ARHGAP18: variants seen among roughly 807,000 people sequenced by gnomAD.
The protein encoded by ARHGAP18 is rho GTPase-activating protein 18.
A neutral mutation model predicts 86.2 loss-of-function variants in ARHGAP18; 67 were observed. The ratio of observed to expected loss-of-function variants is 0.78; its 90% confidence interval spans 0.64 to 0.95. The LOEUF is 0.95. Among genes scored for constraint, ARHGAP18 ranks in the 40% least tolerant of loss-of-function variants. The probability of loss-of-function intolerance (pLI) is 0.00; values close to 1 mark genes in which losing one functional copy is unlikely to be tolerated. For synonymous variants in ARHGAP18, 283 were observed against 280.4 expected, an observed-to-expected ratio of 1.01 and a Z score of -0.09; for missense variants, 691 against 780.4, an observed-to-expected ratio of 0.89 and a Z score of 1.37.
chr6:129,690,262 A>G (rs1774503516), intron 1 of ARHGAP18, among the ~76,000 whole-genome samples: 1 of 152,200 alleles, frequency 6.6e-6, no homozygotes, highest in Non-Finnish European at 1.5e-5. Flanking sequence ...AACCGTTCAC[A>G]AAAATGAATA....
intron 10 of ARHGAP18, among the ~76,000 whole-genome samples, chr6:129,602,175 T>G (rs1295729489): frequency 1.3e-5 from 2 of 152,212 alleles, no homozygotes. Context: ...GTATTCAATG[T>G]TCTCTATGAA....
chr6:129,688,803 A>AT lies in ARHGAP18; in HGVS notation c.113+21220_113+21221insA, dbSNP rs201450111. Among the ~76,000 whole-genome samples, 356 of 151,942 alleles carry AT rather than the reference A, an allele frequency of 2.3e-3. 3 individuals are homozygous for AT. In the Middle Eastern group the frequency reaches 0.031, roughly 13 times the overall value. ...ATGAAACTCCAAGTCAAAAAAAAAA[A>AT]ATATGCCTTATCATTGGTAGCTACT... On this transcript the variant is annotated intron_variant, in intron 1 of 14. Transcript: ENST00000368149.
At chr6:129,665,661 G>T (rs74818297) in intron 1 of ARHGAP18, among the ~76,000 whole-genome samples, 5,618 of 152,212 alleles carry the variant, frequency 0.037, 323 homozygotes, top group African/African-American at 0.12. Context: ...ATACAAACAG[G>T]TAGTTAATAA....
intron 1 of ARHGAP18, among the ~76,000 whole-genome samples, chr6:129,700,473 G>A (rs2051630): frequency 0.34 from 52,019 of 152,092 alleles, 9,907 homozygotes; most frequent in East Asian, 0.51. Flanking sequence ...ATGTAGTATT[G>A]AAATAATGTG....
rs188619683 is a variant in ARHGAP18 at position 129,617,932 on chromosome 6, T to G, written c.952+755A>C. Among the ~76,000 whole-genome samples, 699 of 152,292 alleles carry G rather than the reference T, an allele frequency of 4.6e-3. 4 individuals are homozygous for G. The highest frequency in any genetic ancestry group is 7.1e-3 in the Non-Finnish European group (486 of 68,020). On this transcript the variant is annotated intron_variant, in intron 6 of 14. Transcript: ENST00000368149. Reference sequence around the variant, plus strand: ...TCTTGGTTTCTCTTTAGGAGATACTTCTAAGGTTAAACAAGAGGACAAAGA... The same window carrying G: ...TCTTGGTTTCTCTTTAGGAGATACTGCTAAGGTTAAACAAGAGGACAAAGA...
Position 129,641,858 on chromosome 6 carries a change from T to C in ARHGAP18, c.274A>G (p.Ser92Gly). Residue 92 changes from serine (S) to glycine (G), a missense_variant, in exon 2 of 15, where the codon AGC (serine) becomes GGC (glycine). Physicochemically the swap from Ser to Gly is moderately conservative, Grantham distance 56. Coordinates refer to ENST00000368149, the MANE Select transcript of ARHGAP18 (RefSeq NM_033515.3). ...ACAACCACCTCTTGATCTTCTTGGC[T>C]GTTTTCACTAGATTTCTTGATGTTT... ...LENIKKSSENSQEDQEVVVVK... is the reference protein window; with the variant it reads ...LENIKKSSENGQEDQEVVVVK... The C allele has an allele frequency of 1.9e-6, 3 of 1,614,000 alleles. No individual in the cohort carries two copies. The highest frequency in any genetic ancestry group is 2.5e-6 in the Non-Finnish European group (3 of 1,179,924).
chr6:129,661,275 C>T (rs1217252767), intron 1 of ARHGAP18, among the ~76,000 whole-genome samples: 1 of 141,758 alleles, frequency 7.1e-6, no homozygotes, highest in Non-Finnish European at 1.5e-5. Flanking sequence ...ATTGCATGAG[C>T]CTAGGAGTTC....
chr6:129,680,693 C>T (rs1300425451), intron 1 of ARHGAP18, among the ~76,000 whole-genome samples: 2 of 152,208 alleles, frequency 1.3e-5, no homozygotes, highest in African/African-American at 4.8e-5. Flanking sequence ...TACCCTGGAG[C>T]CAGATCGTTT....
Position 129,666,037 on chromosome 6 carries a change from G to GA in ARHGAP18, c.114-24020dup, listed in dbSNP as rs1032081354. On this transcript the variant is annotated intron_variant, in intron 1 of 14. Transcript: ENST00000368149. ...TACATTAAAAATATAAATTAAAATA[G>GA]AAAAAAATTAACTCTGATGAAACCA... Among the ~76,000 whole-genome samples, 8 of 151,900 alleles carry GA rather than the reference G, an allele frequency of 5.3e-5. No homozygotes were observed. The East Asian group carries it at 1.2e-3, about 22-fold the overall frequency.
chr6:129,702,132 C>G (rs1314379623), intron 1 of ARHGAP18, among the ~76,000 whole-genome samples: 6 of 152,236 alleles, frequency 3.9e-5, no homozygotes, highest in Non-Finnish European at 8.8e-5. Flanking sequence ...GTTTCATACT[C>G]TCTTTCAACA....
At chr6:129,591,767 T>G (rs1441148016) in intron 12 of ARHGAP18, among the ~76,000 whole-genome samples, 1 of 152,168 alleles carries the variant, frequency 6.6e-6, no homozygotes, top group Non-Finnish European at 1.5e-5. Context: ...AAACCCTTTT[T>G]ATCTTCAAAA....
chr6:129,651,468 G>A (rs1428469198), intron 1 of ARHGAP18, among the ~76,000 whole-genome samples: 1 of 151,916 alleles, frequency 6.6e-6, no homozygotes, highest in Non-Finnish European at 1.5e-5. Context: ...TTACTCTCTG[G>A]TTGGGTGCCT....
chr6:129,581,306 G>A (rs907324696), intron 13 of ARHGAP18, among the ~76,000 whole-genome samples: 3 of 152,150 alleles, frequency 2.0e-5, no homozygotes, highest in South Asian at 2.1e-4. Flanking sequence ...GACAGTCAGG[G>A]CTCTCTGGGC....
intron 12 of ARHGAP18, among the ~76,000 whole-genome samples, chr6:129,588,661 T>C (rs1788449087): frequency 6.6e-6 from 1 of 152,184 alleles, no homozygotes; most frequent in Non-Finnish European, 1.5e-5. Context: ...GCCCTCCTCT[T>C]ATAGCTCCAC....
At position 129,611,594 on chromosome 6, in the gene ARHGAP18, T is replaced by C; in HGVS notation, c.1061A>G (p.Glu354Gly). Residue 354 changes from glutamate to glycine, a missense_variant, in exon 8 of 15, where the codon GAA (glutamate) becomes GGA (glycine). Glu to Gly is a moderately conservative substitution (Grantham distance 98). Coordinates refer to ENST00000368149, the MANE Select transcript of ARHGAP18 (RefSeq NM_033515.3). ...GCCTTCTGTTTCCAAACCTCTCTCT[T>C]CAATTCGAGAAATCAGCTGTGCATA... ...LIFQKLISRI[E>G]ERGLETEGLL... 6.2e-7 allele frequency: 1 copy of C among 1,613,620 alleles called. No homozygotes were observed. Among genetic ancestry groups the C allele is most frequent in the Non-Finnish European group, 8.5e-7 (1 of 1,179,700 alleles).
intron 1 of ARHGAP18, among the ~76,000 whole-genome samples, chr6:129,669,407 T>G (rs1363041413): frequency 1.3e-5 from 2 of 151,638 alleles, no homozygotes; most frequent in African/African-American, 4.8e-5. Flanking sequence ...CTCCTGATCT[T>G]GTAATCCGCC....
chr6:129,591,620 G>T (rs1268777746), intron 12 of ARHGAP18, among the ~76,000 whole-genome samples: 2 of 151,940 alleles, frequency 1.3e-5, no homozygotes, highest in Non-Finnish European at 2.9e-5. Context: ...TTTTCATAAG[G>T]TATCTAAAAA....
intron 1 of ARHGAP18, among the ~76,000 whole-genome samples, chr6:129,701,897 C>T (rs1774717022): frequency 6.6e-6 from 1 of 152,146 alleles, no homozygotes; most frequent in Admixed American, 6.5e-5. Flanking sequence ...AAAGCTCAAG[C>T]TGAAATGATG....
rs557060934 is a variant in ARHGAP18, at chr6:129,615,721, T to C, written c.1044+491A>G. ...TATATTGCCACAGATAATCCCCTTA[T>C]GAATAACTGAGTGTTGACTACACAA... is the stretch of plus-strand genomic sequence containing the variant. On this transcript the variant is annotated intron_variant, in intron 7 of 14. Transcript: ENST00000368149. 2.0e-5 allele frequency among the ~76,000 whole-genome samples: 3 copies of C among 152,316 alleles called. 1 individual carries two copies. In the South Asian group the frequency reaches 6.2e-4, roughly 32 times the overall value.
Sources: allele counts gnomAD v4.1 joint callset (sites outside exome capture counted in the v4.1 genomes callset), GRCh38; gene constraint gnomAD v4.1.1; transcripts MANE v1.5; gene names NCBI Gene and HGNC (gene_info 2026-07-23, HGNC 2026-07-21).